The following CNTN5 variants were observed in gnomAD, a reference collection of about 807,000 sequenced individuals.
The protein encoded by CNTN5 is contactin 5.
A neutral mutation model predicts 129.1 loss-of-function variants in CNTN5; 77 were observed. That is an observed-to-expected ratio of 0.60 (90% CI 0.50 to 0.72). The LOEUF (loss-of-function observed/expected upper bound fraction) is 0.72, where lower values mean the gene tolerates loss of function less well. CNTN5 is among the 30% of genes least tolerant of loss of function. The probability of loss-of-function intolerance (pLI) is 0.00; values close to 1 mark genes in which losing one functional copy is unlikely to be tolerated. For synonymous variants in CNTN5, 509 were observed against 465.6 expected (o/e 1.09, Z -1.20); for missense variants, 1,478 against 1,328.8 (o/e 1.11, Z -1.75).
intron 13 of CNTN5, among the ~76,000 whole-genome samples, chr11:100,182,546 A>G (rs1262154666): frequency 6.6e-6 from 1 of 152,144 alleles, no homozygotes; most frequent in East Asian, 1.9e-4. Context: ...CATCCAGATC[A>G]TAGAAGTTCA....
intron 3 of CNTN5, among the ~76,000 whole-genome samples, chr11:99,784,277 C>G (rs953429156): frequency 6.6e-6 from 1 of 152,076 alleles, no homozygotes; most frequent in African/African-American, 2.4e-5. Context: ...TTAGGTATTT[C>G]TCCTAATGCT....
At chr11:100,002,947 G>A (rs11222295) in intron 9 of CNTN5, among the ~76,000 whole-genome samples, 24,595 of 151,730 alleles carry the variant, frequency 0.16, 2,095 homozygotes, top group East Asian at 0.18. Context: ...AACTTCAGTT[G>A]CAGAGAGCAA....
At chr11:99,455,655 C>T (rs766701055) in intron 2 of CNTN5, among the ~76,000 whole-genome samples, 4 of 152,006 alleles carry the variant, frequency 2.6e-5, no homozygotes, top group African/African-American at 4.8e-5. Context: ...CCTTTCTTGT[C>T]TGAATGCTCT....
chr11:99,236,469 AAC>A (rs33985126), intron 1 of CNTN5, among the ~76,000 whole-genome samples: 3,668 of 150,056 alleles, frequency 0.024, 115 homozygotes, highest in African/African-American at 0.068. Context: ...CTCACACACA[AAC>A]ACACACACAC....
At chr11:99,950,925 T>G (rs1382723043) in intron 7 of CNTN5, among the ~76,000 whole-genome samples, 3 of 152,198 alleles carry the variant, frequency 2.0e-5, no homozygotes, top group Non-Finnish European at 4.4e-5. Context: ...TCTAATCAGC[T>G]GTAATTTTCC....
chr11:100,337,437 CA>C, intron 21 of CNTN5: 1 of 753,640 alleles, frequency 1.3e-6, no homozygotes. Flanking sequence ...CCCTGTGGCC[CA>C]AAATCAGGTG....
At chr11:100,277,149 G>A (rs1950531312) in intron 18 of CNTN5, among the ~76,000 whole-genome samples, 1 of 152,104 alleles carries the variant, frequency 6.6e-6, no homozygotes, top group Admixed American at 6.6e-5. Flanking sequence ...GCAAATGACA[G>A]GATTTCATTC....
At chr11:100,273,885 A>G (rs1171265849) in intron 18 of CNTN5, among the ~76,000 whole-genome samples, 2 of 152,230 alleles carry the variant, frequency 1.3e-5, no homozygotes, top group African/African-American at 4.8e-5. Context: ...TAAAATTCAT[A>G]TGAACCAAAA....
chr11:99,652,019 T>C (rs1952176318), intron 3 of CNTN5, among the ~76,000 whole-genome samples: 1 of 152,082 alleles, frequency 6.6e-6, no homozygotes, highest in Admixed American at 6.6e-5. Flanking sequence ...TATCTCAAAG[T>C]TTCTGTGGTT....
chr11:99,403,193 G>A (rs1229627762), intron 2 of CNTN5, among the ~76,000 whole-genome samples: 2 of 151,682 alleles, frequency 1.3e-5, no homozygotes, highest in East Asian at 3.9e-4. Context: ...GTAGAGATGG[G>A]GTCTCACCAT....
At chr11:99,077,820 G>A (rs1392850618) in intron 1 of CNTN5, among the ~76,000 whole-genome samples, 1 of 152,158 alleles carries the variant, frequency 6.6e-6, no homozygotes, top group African/African-American at 2.4e-5. Flanking sequence ...GCCTTGTGAA[G>A]AAGGTGCCTT....
intron 3 of CNTN5, among the ~76,000 whole-genome samples, chr11:99,808,140 ATAACT>A (rs1220065847): frequency 6.6e-6 from 1 of 152,228 alleles, no homozygotes; most frequent in Non-Finnish European, 1.5e-5. Flanking sequence ...TGATGCATAC[ATAACT>A]TAGCCAAGAA....
At chr11:100,075,367 A>C (rs1186627319) in intron 13 of CNTN5, among the ~76,000 whole-genome samples, 2 of 152,138 alleles carry the variant, frequency 1.3e-5, no homozygotes, top group Non-Finnish European at 2.9e-5. Flanking sequence ...TGGCACTCTT[A>C]CACCAAAAGA....
At chr11:99,631,415 T>C (rs1258669933) in intron 3 of CNTN5, among the ~76,000 whole-genome samples, 1 of 152,032 alleles carries the variant, frequency 6.6e-6, no homozygotes. Flanking sequence ...CTGCTTGAAT[T>C]AGTAAAGAAC....
intron 13 of CNTN5, among the ~76,000 whole-genome samples, chr11:100,093,060 G>A (rs1944857606): frequency 6.6e-6 from 1 of 152,038 alleles, no homozygotes; most frequent in African/African-American, 2.4e-5. Flanking sequence ...TACAGTATCT[G>A]CCTCCTCTCT....
chr11:99,875,621 C>T (rs1948613103), intron 6 of CNTN5, among the ~76,000 whole-genome samples: 1 of 152,054 alleles, frequency 6.6e-6, no homozygotes, highest in African/African-American at 2.4e-5. Context: ...GATATACCTC[C>T]CTAATCTCTC....
chr11:99,830,069 AG>A (rs1947089872), intron 4 of CNTN5, among the ~76,000 whole-genome samples: 1 of 152,128 alleles, frequency 6.6e-6, no homozygotes, highest in Non-Finnish European at 1.5e-5. Context: ...TTATTTTTGC[AG>A]AGAGGCAGTC....
rs528788792 is a variant in CNTN5 at position 100,273,018 on chromosome 11, G to A, written c.2314+1777G>A. ...CTCCATAGGAGACTTTAGCCCTAGG[G>A]GAACTTTCTGTCTGTCCTGAACTCT... On this transcript the variant is annotated intron_variant, in intron 18 of 24. Coordinates refer to ENST00000524871, the MANE Select transcript of CNTN5 (RefSeq NM_014361.4). Among the ~76,000 whole-genome samples the A allele has an allele frequency of 5.0e-4, 76 of 152,234 alleles. 1 individual carries two copies. In the South Asian group the frequency reaches 6.0e-3, roughly 12 times the overall value.
chr11:99,828,979 T>C lies in CNTN5; in HGVS notation c.277+9214T>C, dbSNP rs549373049. Among the ~76,000 whole-genome samples, 7 of 152,272 alleles carry C rather than the reference T, an allele frequency of 4.6e-5. No individual in the cohort carries two copies. In the South Asian group the frequency reaches 1.4e-3, roughly 32 times the overall value. ...CATCATGTCTGATTTCACTTTATTATTTATCATAGTAGTTAGATCATTTTA... is the reference window on the plus strand; with the variant it reads ...CATCATGTCTGATTTCACTTTATTACTTATCATAGTAGTTAGATCATTTTA... On this transcript the variant is annotated intron_variant, in intron 4 of 24. Transcript: ENST00000524871.
Sources: gnomAD v4.1 joint callset for allele counts (sites outside exome capture counted in the v4.1 genomes callset) on GRCh38, gnomAD v4.1.1 for gene constraint, MANE v1.5 for transcripts, NCBI Gene and HGNC (gene_info 2026-07-23, HGNC 2026-07-21) for gene names.